ATP11A: variants seen among roughly 807,000 people sequenced by gnomAD.
ATP11A encodes the protein ATPase phospholipid transporting 11A, also known as phospholipid-transporting ATPase IH.
In ATP11A, 81 loss-of-function variants were observed where a neutral mutation model predicts 154.4. The ratio of observed to expected loss-of-function variants is 0.52; its 90% CI spans 0.44 to 0.63. ATP11A has a LOEUF of 0.63. Among genes scored for constraint, ATP11A ranks in the 30% least tolerant of loss-of-function variants. The pLI is 0.00. For synonymous variants in ATP11A, 623 were observed against 585.9 expected, an observed-to-expected ratio of 1.06 and a Z score of -0.91; for missense variants, 1,316 against 1,474.3, an observed-to-expected ratio of 0.89 and a Z score of 1.76.
intron 1 of ATP11A, among the ~76,000 whole-genome samples, chr13:112,771,308 G>A (rs1055200599): frequency 3.3e-5 from 5 of 152,164 alleles, no homozygotes; most frequent in Non-Finnish European, 5.9e-5. Context: ...CTGGGGCAAC[G>A]AGGGGAGGCA....
chr13:112,863,754 A>C lies in ATP11A; in HGVS notation c.2991+1179A>C. Among the ~76,000 whole-genome samples, 2 of 48,434 alleles carry C rather than the reference A, an allele frequency of 4.1e-5. 1 individual carries two copies. The highest frequency in any genetic ancestry group is 1.4e-4 in the African/African-American group (2 of 14,612). The allele number at this position is 48,434 out of a possible 152,430, so 31.8% of individuals were successfully genotyped here. A position where few individuals can be genotyped will look rare whatever the true frequency, so the allele number is the denominator to read the frequency against. On this transcript the variant is annotated intron_variant, in intron 25 of 29. Coordinates refer to ENST00000375645, the MANE Select transcript of ATP11A (RefSeq NM_015205.3). ...CCTGCGCAGTAATTCAGTGCAGCCC[A>C]TGCAGCTTCTCAGCAGGGTCCATCA...
At chr13:112,811,161 A>ACCACAC (rs2078484592) in intron 5 of ATP11A, among the ~76,000 whole-genome samples, 1 of 115,582 alleles carries the variant, frequency 8.7e-6, no homozygotes, top group Non-Finnish European at 1.7e-5. Flanking sequence ...TGCCCCTTCC[A>ACCACAC]ACACACACAC....
intron 2 of ATP11A, among the ~76,000 whole-genome samples, chr13:112,795,939 C>G (rs945457723): frequency 6.6e-6 from 1 of 152,150 alleles, no homozygotes; most frequent in African/African-American, 2.4e-5. Flanking sequence ...AATATGGGGA[C>G]TGACTCTGAA....
intron 1 of ATP11A, among the ~76,000 whole-genome samples, chr13:112,771,852 T>G (rs1171929164): frequency 1.3e-5 from 2 of 152,152 alleles, no homozygotes; most frequent in Non-Finnish European, 2.9e-5. Flanking sequence ...ACATTTAATA[T>G]CAAGAGAAAA....
intron 15 of ATP11A, among the ~76,000 whole-genome samples, chr13:112,835,198 C>T (rs2079199218): frequency 6.6e-6 from 1 of 152,198 alleles, no homozygotes; most frequent in African/African-American, 2.4e-5. Context: ...TTTTTAGGGA[C>T]TGTCTCTGTC....
intron 1 of ATP11A, among the ~76,000 whole-genome samples, chr13:112,777,636 C>T (rs1040765579): frequency 6.6e-6 from 1 of 152,186 alleles, no homozygotes; most frequent in East Asian, 1.9e-4. Flanking sequence ...TGCATTGATG[C>T]AATTTGTGGT....
Position 112,882,256 on chromosome 13 carries a change from C to T in ATP11A, c.*390C>T, listed in dbSNP as rs913487414. 8.8e-5 allele frequency: 54 copies of T among 613,036 alleles called. No individual in the cohort carries two copies. Among genetic ancestry groups the T allele is most frequent in the Non-Finnish European group, 1.0e-4 (41 of 407,972 alleles). The allele number at this position is 613,036 out of a possible 1,614,324, so 38.0% of individuals were successfully genotyped here. A position where few individuals can be genotyped will look rare whatever the true frequency, so the allele number is the denominator to read the frequency against. On this transcript the variant is annotated 3_prime_UTR_variant, in exon 30 of 30. Transcript: ENST00000375645. The surrounding 1 kb of genome is among the most constrained non-coding windows in gnomAD (Gnocchi z 5.1). ...CAGGAGGGACATTCTGCTGGCCCACCCTGCGCGCTGTCATGCAGAGGCCAT... is the reference window on the plus strand; with the variant it reads ...CAGGAGGGACATTCTGCTGGCCCACTCTGCGCGCTGTCATGCAGAGGCCAT...
intron 1 of ATP11A, among the ~76,000 whole-genome samples, chr13:112,744,633 G>C (rs1891919728): frequency 6.6e-6 from 1 of 152,232 alleles, no homozygotes; most frequent in South Asian, 2.1e-4. Flanking sequence ...TTGGCCTGCA[G>C]TCAGCTCTCG....
chr13:112,875,235 G>A lies in ATP11A; in HGVS notation c.3162-541G>A, dbSNP rs1026331080. ...CATCCGTAGTGCCTGGGATGTGAAA[G>A]GCGATCAGGAAACGTTACCGGAAGG... On this transcript the variant is annotated intron_variant, in intron 27 of 29. Coordinates refer to ENST00000375645, the MANE Select transcript of ATP11A (RefSeq NM_015205.3). The surrounding 1 kb of genome is among the most constrained non-coding windows in gnomAD (Gnocchi z 4.1). 1.3e-5 allele frequency among the ~76,000 whole-genome samples: 2 copies of A among 152,204 alleles called. No individual in the cohort carries two copies. Among genetic ancestry groups the A allele is most frequent in the African/African-American group, 4.8e-5 (2 of 41,440 alleles).
At chr13:112,780,948 A>G (rs899905284) in intron 1 of ATP11A, among the ~76,000 whole-genome samples, 3 of 152,072 alleles carry the variant, frequency 2.0e-5, no homozygotes, top group Non-Finnish European at 4.4e-5. Context: ...TGGGGTCTCC[A>G]TCCTCCTGCC....
At chr13:112,729,441 G>C (rs759357923) in intron 1 of ATP11A, among the ~76,000 whole-genome samples, 2 of 150,904 alleles carry the variant, frequency 1.3e-5, no homozygotes, top group South Asian at 2.1e-4. Flanking sequence ...CTGAGGCAGC[G>C]CGGTTCCCAC....
In ATP11A at chr13:112,746,834, A is replaced by AGCTGTGAGCT. The variant is rs1892221416; in HGVS notation, c.40-38294_40-38285dup. 1 of 152,070 alleles carries AGCTGTGAGCT rather than the reference A, an allele frequency of 6.6e-6. No homozygotes were observed. Among genetic ancestry groups the AGCTGTGAGCT allele is most frequent in the African/African-American group, 2.4e-5 (1 of 41,388 alleles). The allele number at this position is 152,070 out of a possible 1,614,324, so 9.4% of individuals were successfully genotyped here. On this transcript the variant is annotated intron_variant, in intron 1 of 29. Transcript: ENST00000375645. The surrounding 1 kb of genome is among the most constrained non-coding windows in gnomAD (Gnocchi z 4.1). ...TGACCTCCCTAAGTGCTGGGATTAC[A>AGCTGTGAGCT]GCTGTGAGCTGCTGTGCCTGGCCTC...
chr13:112,738,799 T>C (rs988164948), intron 1 of ATP11A, among the ~76,000 whole-genome samples: 29 of 150,800 alleles, frequency 1.9e-4, no homozygotes, highest in African/African-American at 7.1e-4. Flanking sequence ...ATAGAGGCTG[T>C]TTCTCCTGCC....
chr13:112,778,178 TGTG>T (rs1195185790), intron 1 of ATP11A, among the ~76,000 whole-genome samples: 1 of 152,230 alleles, frequency 6.6e-6, no homozygotes, highest in Non-Finnish European at 1.5e-5. Context: ...GAGCAGCTGA[TGTG>T]GTGGACAGAA....
At chr13:112,815,649 G>A (rs577415120) in intron 5 of ATP11A, among the ~76,000 whole-genome samples, 1 of 152,318 alleles carries the variant, frequency 6.6e-6, no homozygotes, top group South Asian at 2.1e-4. Context: ...AAACATTGTT[G>A]CCACTTTTGC....
In ATP11A at chr13:112,858,172, C is replaced by G. The variant is rs1264230513; in HGVS notation, c.2549C>G (p.Ala850Gly). 1.2e-6 allele frequency: 2 copies of G among 1,613,784 alleles called. No homozygotes were observed. The highest frequency in any genetic ancestry group is 8.5e-7 in the Non-Finnish European group (1 of 1,179,894). The change falls in exon 22 of 30, where the codon GCT becomes GGT. Residue 850 changes from alanine to glycine, a missense_variant. By Grantham distance (60) the Ala-to-Gly change is moderately conservative. Around this residue, in one of 5 missense-constraint regions of ATP11A, gnomAD observed 876 missense variants for 1,006.8 expected, o/e 0.87. Transcript: ENST00000375645. Reference sequence around the variant, plus strand: ...GTCATCGGCAAGGAAGGCCGCCAGGCTGCCAGGAACAGCGACTATGCAATC... The same window carrying G: ...GTCATCGGCAAGGAAGGCCGCCAGGGTGCCAGGAACAGCGACTATGCAATC... ...IGVIGKEGRQAARNSDYAIPK... is the reference protein window; with the variant it reads ...IGVIGKEGRQGARNSDYAIPK...
At chr13:112,730,568 G>A (rs764695182) in intron 1 of ATP11A, among the ~76,000 whole-genome samples, 6 of 152,232 alleles carry the variant, frequency 3.9e-5, no homozygotes, top group Non-Finnish European at 5.9e-5. Context: ...ACTCCACAGC[G>A]TGAGCACCGG....
chr13:112,773,242 C>G (rs759241181), intron 1 of ATP11A, among the ~76,000 whole-genome samples: 1 of 152,148 alleles, frequency 6.6e-6, no homozygotes, highest in Non-Finnish European at 1.5e-5. Context: ...CATCGCCACC[C>G]TCAGAACAGA....
chr13:112,769,428 A>G (rs960219984), intron 1 of ATP11A, among the ~76,000 whole-genome samples: 3 of 152,184 alleles, frequency 2.0e-5, no homozygotes, highest in Non-Finnish European at 4.4e-5. Flanking sequence ...GGAGCCCGTG[A>G]CCCGGGTCCC....
Sources: gnomAD v4.1 joint callset for allele counts (sites outside exome capture counted in the v4.1 genomes callset) on GRCh38, gnomAD v4.1.1 for gene constraint, gnomAD v4.1.1 regional missense constraint, Gnocchi (gnomAD v3.1) non-coding constraint, MANE v1.5 for transcripts, NCBI Gene and HGNC (gene_info 2026-07-23, HGNC 2026-07-21) for gene names.